Variants in CFAP43 observed in about 807,000 individuals in gnomAD.
CFAP43 encodes cilia and flagella associated protein 43.
A neutral mutation model predicts 218.9 loss-of-function variants in CFAP43; 155 were observed. The observed-to-expected ratio is 0.71, with a 90% confidence interval of 0.62 to 0.81. The LOEUF (loss-of-function observed/expected upper bound fraction) is 0.81, where lower values mean the gene tolerates loss of function less well. CFAP43 is among the 30% of genes least tolerant of loss of function. The probability of loss-of-function intolerance (pLI) is 0.00; values close to 1 mark genes in which losing one functional copy is unlikely to be tolerated. For synonymous variants in CFAP43, 645 were observed against 681.3 expected (o/e 0.95, Z 0.83); for missense variants, 1,778 against 1,954.3 (o/e 0.91, Z 1.70).
rs374853884 is a variant in CFAP43 at position 104,164,075 on chromosome 10, G to T, written c.3246+19C>A. On this transcript the variant is annotated intron_variant, in intron 24 of 37. Transcript: ENST00000357060. ...GTCTCCTGAGAAAGAAGGGAAAGGA[G>T]AACACAGCTAGCCAGTACCTCCTCA... is the stretch of plus-strand genomic sequence containing the variant. The T allele has an allele frequency of 9.3e-6, 15 of 1,612,398 alleles. No individual in the cohort carries two copies. Among genetic ancestry groups the T allele is most frequent in the Non-Finnish European group, 1.2e-5 (14 of 1,179,046 alleles).
At position 104,193,752 on chromosome 10, in the gene CFAP43, A is replaced by G. The variant is rs928205395; in HGVS notation, c.1442+114T>C. 4 of 1,366,594 alleles carry G rather than the reference A, an allele frequency of 2.9e-6. No individual in the cohort carries two copies. In the African/African-American group the frequency reaches 4.4e-5, roughly 15 times the overall value. 84.7% of individuals were successfully genotyped at this position (1,366,594 alleles called of 1,614,324 possible). On this transcript the variant is annotated intron_variant, in intron 11 of 37. Coordinates refer to ENST00000357060, the MANE Select transcript of CFAP43 (RefSeq NM_025145.7). The stretch of plus-strand genomic sequence containing the variant: ...TGTTGAACTGTGTGAATATATTAAC[A>G]TTCAAAACAAATGAAACACGTAAAA...
rs868458787 is a variant in CFAP43, at chr10:104,205,449, A to C, written c.963+514T>G. 7.2e-4 allele frequency among the ~76,000 whole-genome samples: 110 copies of C among 152,206 alleles called. 1 individual carries two copies. The highest frequency in any genetic ancestry group is 3.4e-3 in the Middle Eastern group (1 of 294). ...TCTATTTGATAAGGTTGTTGTAAGG[A>C]CCTATAAGATAATACAAGTAAAGTA... On this transcript the variant is annotated intron_variant, in intron 7 of 37. Coordinates refer to ENST00000357060, the MANE Select transcript of CFAP43 (RefSeq NM_025145.7).
In CFAP43 at chr10:104,164,299, T is replaced by A; in HGVS notation, c.3041A>T (p.Asp1014Val). 1 of 1,574,656 alleles carries A rather than the reference T, an allele frequency of 6.4e-7. No homozygotes were observed. The highest frequency in any genetic ancestry group is 1.8e-5 in the Admixed American group (1 of 56,292). The change falls in exon 24 of 38, where the codon GAT becomes GTT. Residue 1014 changes from aspartate to valine, a missense_variant and splice_region_variant. This residue lies in a region of CFAP43 where 1,553 missense variants were observed against 1,685.2 expected (regional missense o/e 0.92). Transcript: ENST00000357060. ...AACAGTTTTTACCTTGTAAATGATA[T>A]CCTGAAATATTAACATGTTACTGAA... ...EKINQIILLK[D>V]IIYKVKTVFN...
chr10:104,148,674 C>T (rs2088100568), intron 28 of CFAP43, among the ~76,000 whole-genome samples: 1 of 152,212 alleles, frequency 6.6e-6, no homozygotes, highest in Non-Finnish European at 1.5e-5. Context: ...TCTGCACACC[C>T]CAGCTCCCCT....
intron 28 of CFAP43, among the ~76,000 whole-genome samples, chr10:104,149,550 C>A (rs944841524): frequency 6.6e-5 from 10 of 152,172 alleles, no homozygotes; most frequent in African/African-American, 2.4e-4. Context: ...ATTGGCACTT[C>A]TCTTTTTAAA....
chr10:104,166,554 A>G lies in CFAP43; in HGVS notation c.2973T>C (p.Ser991=). 1 of 1,614,198 alleles carries G rather than the reference A, an allele frequency of 6.2e-7. No homozygotes were observed. The highest frequency in any genetic ancestry group is 8.5e-7 in the Non-Finnish European group (1 of 1,180,030). ...GAAGCTCCAATTGGCTTGACAATAA[A>G]GAGGTATCTACCCCAAAATCAGTAC... The part of the protein sequence containing the change: ...SLSTDFGVDT[S]LLSSQLELHS... The change falls in exon 23 of 38, where the codon TCT becomes TCC. Residue 991 remains serine (S), a synonymous_variant. Coordinates refer to ENST00000357060, the MANE Select transcript of CFAP43 (RefSeq NM_025145.7).
chr10:104,201,614 C>A (rs184056839), intron 8 of CFAP43, among the ~76,000 whole-genome samples: 1 of 151,930 alleles, frequency 6.6e-6, no homozygotes, highest in African/African-American at 2.4e-5. Context: ...CCTGCTCTGC[C>A]CCCCCCAACT....
Position 104,133,624 on chromosome 10 carries a change from T to C in CFAP43, c.4592A>G (p.Gln1531Arg). 6.2e-7 allele frequency: 1 copy of C among 1,611,130 alleles called. No homozygotes were observed. Among genetic ancestry groups the C allele is most frequent in the East Asian group, 2.2e-5 (1 of 44,774 alleles). Residue 1531 changes from glutamine (Q) to arginine (R), a missense_variant, in exon 35 of 38, where the codon CAA becomes CGA. Transcript: ENST00000357060. ...AGGGGGGTAGGGAGAATTTACCTTTTGACGATCTCTTGAAAAAAATAGCAT... is the reference window on the plus strand; with the variant it reads ...AGGGGGGTAGGGAGAATTTACCTTTCGACGATCTCTTGAAAAAAATAGCAT... ...IQMLFFSRDR[Q>R]KYLNEPNYEA...
At chr10:104,193,100 A>C (rs1328348513) in intron 11 of CFAP43, 1 of 152,230 alleles carries the variant, frequency 6.6e-6, no homozygotes, top group Non-Finnish European at 1.5e-5. Flanking sequence ...ATAATAAATT[A>C]AAAAGAAACA....
intron 12 of CFAP43, 82 bp downstream of exon 12, chr10:104,192,117 T>G: frequency 9.6e-7 from 1 of 1,039,760 alleles, no homozygotes; most frequent in Non-Finnish European, 1.4e-6. Flanking sequence ...GTTTCAATAT[T>G]CAATATGAAA....
In CFAP43 at chr10:104,155,663, A is replaced by G. The variant is rs531824748; in HGVS notation, c.3541-2937T>C. Among the ~76,000 whole-genome samples the G allele has an allele frequency of 1.8e-4, 27 of 152,238 alleles. No homozygotes were observed. The South Asian group carries it at 4.6e-3, about 26-fold the overall frequency. ...TTGAGGAGAAGCAGGAATCTCCACC[A>G]TAATAGGAAGATGAGGTGACAATTG... On this transcript the variant is annotated intron_variant, in intron 27 of 37. Transcript: ENST00000357060.
At chr10:104,133,266 T>C (rs2087283129) in intron 35 of CFAP43, among the ~76,000 whole-genome samples, 1 of 152,018 alleles carries the variant, frequency 6.6e-6, no homozygotes, top group Non-Finnish European at 1.5e-5. Flanking sequence ...CAAAAGAGAA[T>C]CCAGTAAAAG....
rs539911700 is a variant in CFAP43 at position 104,194,234 on chromosome 10, A to C, written c.1294-220T>G. 1.2e-4 allele frequency among the ~76,000 whole-genome samples: 19 copies of C among 152,278 alleles called. 1 individual carries two copies. In the South Asian group the frequency reaches 3.9e-3, roughly 32 times the overall value. ...TCTTATTCTTTTATCCTAAAATTAG[A>C]GTAATAAAAATTAGAGAGAGATTTC... On this transcript the variant is annotated intron_variant, in intron 10 of 37. Coordinates refer to ENST00000357060, the MANE Select transcript of CFAP43 (RefSeq NM_025145.7).
intron 15 of CFAP43, 50 bp from the exon 16 acceptor site, chr10:104,185,196 C>T (rs1197602123): frequency 6.2e-7 from 1 of 1,607,944 alleles, no homozygotes; most frequent in Non-Finnish European, 8.5e-7. Flanking sequence ...AATTCTACCA[C>T]ACGGCTTTTC....
rs368422330 is a variant in CFAP43 at position 104,130,641 on chromosome 10, CAT to C, written c.4832-338_4832-337del. ...CACAGGAACAGAAAACCAAATACCA[CAT>C]GTTCTCACTTATAAATGGGAGCTAA... On this transcript the variant is annotated intron_variant, in intron 37 of 37. Coordinates refer to ENST00000357060, the MANE Select transcript of CFAP43 (RefSeq NM_025145.7). Among the ~76,000 whole-genome samples, 102 of 152,276 alleles carry C rather than the reference CAT, an allele frequency of 6.7e-4. 1 individual carries two copies. The East Asian group carries it at 0.019, about 28-fold the overall frequency.
rs796931726 is a variant in CFAP43 at position 104,199,757 on chromosome 10, A to G, written c.1096-1719T>C. ...GCTGAACAGGCAGGCCTCCATGACA[A>G]CTGTTTCAGCAATGACTGAGTGGTT... On this transcript the variant is annotated intron_variant, in intron 8 of 37. Coordinates refer to ENST00000357060, the MANE Select transcript of CFAP43 (RefSeq NM_025145.7). 1.5e-4 allele frequency among the ~76,000 whole-genome samples: 23 copies of G among 152,328 alleles called. 1 individual carries two copies. The highest frequency in any genetic ancestry group is 5.5e-4 in the African/African-American group (23 of 41,558).
intron 34 of CFAP43, among the ~76,000 whole-genome samples, chr10:104,137,163 T>G (rs1028157433): frequency 1.3e-5 from 2 of 152,172 alleles, no homozygotes; most frequent in Non-Finnish European, 2.9e-5. Context: ...TTCAAAAACT[T>G]GTGCATGAAC....
Position 104,182,464 on chromosome 10 carries a change from G to C in CFAP43, c.2191C>G (p.Leu731Val). ...ASEILDYYQKLLISLSSAMDK... is the reference protein window; with the variant it reads ...ASEILDYYQKVLISLSSAMDK... ...ATGGCGCTGCTCAGGGAAATTAATAGTTTCTGGTAATAGTCCAGAATTTCA... is the reference window on the plus strand; with the variant it reads ...ATGGCGCTGCTCAGGGAAATTAATACTTTCTGGTAATAGTCCAGAATTTCA... Residue 731 changes from leucine (L) to valine (V), a missense_variant, in exon 17 of 38, where the codon CTA becomes GTA. By Grantham distance (32) the Leu-to-Val change is conservative. This residue lies in a region of CFAP43 where 1,553 missense variants were observed against 1,685.2 expected (regional missense o/e 0.92). Coordinates refer to ENST00000357060, the MANE Select transcript of CFAP43 (RefSeq NM_025145.7). 3 of 1,612,238 alleles carry C rather than the reference G, an allele frequency of 1.9e-6. No individual in the cohort carries two copies. Among genetic ancestry groups the C allele is most frequent in the Non-Finnish European group, 2.5e-6 (3 of 1,179,372 alleles).
chr10:104,204,401 T>C (rs188413532), intron 7 of CFAP43, among the ~76,000 whole-genome samples: 3 of 152,348 alleles, frequency 2.0e-5, no homozygotes, highest in East Asian at 1.9e-4. Context: ...ATTTTTACAA[T>C]AGTGAAAACA....
Sources: gnomAD v4.1 joint callset for allele counts (sites outside exome capture counted in the v4.1 genomes callset) on GRCh38, gnomAD v4.1.1 for gene constraint, gnomAD v4.1.1 regional missense constraint, MANE v1.5 for transcripts, NCBI Gene and HGNC (gene_info 2026-07-23, HGNC 2026-07-21) for gene names.